VAT1L: variants seen among roughly 807,000 people sequenced by gnomAD.
VAT1L encodes the protein putative NADPH-dependent quinone oxidoreductase VAT1L.
VAT1L carries 34 observed loss-of-function variants against 44.1 expected under a neutral mutation model. The ratio of observed to expected loss-of-function variants is 0.77; its 90% CI spans 0.59 to 1.03. VAT1L has a LOEUF of 1.03. Among genes scored for constraint, VAT1L ranks in the 50% least tolerant of loss-of-function variants. VAT1L has a pLI of 0.00. For missense variants in VAT1L, 615 were observed against 538.8 expected, an observed-to-expected ratio of 1.14 and a Z score of -1.40; for synonymous variants, 253 against 202.2, an observed-to-expected ratio of 1.25 and a Z score of -2.13.
At chr16:77,881,213 A>G (rs1056302162) in intron 6 of VAT1L, among the ~76,000 whole-genome samples, 3 of 152,092 alleles carry the variant, frequency 2.0e-5, no homozygotes, top group Non-Finnish European at 4.4e-5. Flanking sequence ...TGCCCCCTCT[A>G]CTTTTGGACT....
rs141941846 is a variant in VAT1L, at chr16:77,919,012, T to A, written c.1077+34210T>A. Among the ~76,000 whole-genome samples the A allele has an allele frequency of 4.6e-3, 699 of 152,306 alleles. 1 individual carries two copies. The highest frequency in any genetic ancestry group is 8.5e-3 in the Admixed American group (130 of 15,304). On this transcript the variant is annotated intron_variant, in intron 7 of 8. Transcript: ENST00000302536. ...TTTATTCAAGAGAGTCGTGGCTATG[T>A]AAACAGTGCTGAGGCATTCTGCAGT...
At chr16:77,828,354 C>T (rs13336565) in intron 3 of VAT1L, among the ~76,000 whole-genome samples, 2,658 of 152,316 alleles carry the variant, frequency 0.017, 81 homozygotes, top group African/African-American at 0.061. Context: ...CCAGTGTCAT[C>T]ACAAGAGTCC....
intron 7 of VAT1L, among the ~76,000 whole-genome samples, chr16:77,946,279 C>CGTTTTTTTTTTTTTTTT (rs1223152362): frequency 1.4e-5 from 1 of 70,428 alleles, no homozygotes; most frequent in African/African-American, 5.3e-5. Flanking sequence ...GTTACTTGTT[C>CGTTTTTTTTTTTTTTTT]TTTTTTTTTT....
At chr16:77,821,241 A>G (rs2016448386) in intron 2 of VAT1L, among the ~76,000 whole-genome samples, 1 of 151,960 alleles carries the variant, frequency 6.6e-6, no homozygotes, top group Admixed American at 6.6e-5. Flanking sequence ...ATATAATGGG[A>G]TCTGCATAAT....
chr16:77,830,273 CA>C lies in VAT1L; in HGVS notation c.579+4816del, dbSNP rs972780340. On this transcript the variant is annotated intron_variant, in intron 3 of 8. Transcript: ENST00000302536. ...TTTTCATATGCTGTTTTTTTCTTTCCAAAATGGTATTCTCTCCCAATTCAGA... is the reference window on the plus strand; with the variant it reads ...TTTTCATATGCTGTTTTTTTCTTTCCAAATGGTATTCTCTCCCAATTCAGA... Among the ~76,000 whole-genome samples, 60 of 152,178 alleles carry C rather than the reference CA, an allele frequency of 3.9e-4. 1 individual carries two copies. Among genetic ancestry groups the C allele is most frequent in the Admixed American group, 9.8e-4 (15 of 15,294 alleles).
intron 2 of VAT1L, among the ~76,000 whole-genome samples, chr16:77,822,800 G>T (rs2016473884): frequency 6.6e-6 from 1 of 152,150 alleles, no homozygotes; most frequent in African/African-American, 2.4e-5. Context: ...CCTTGCTCTT[G>T]TTGCTGTCAC....
intron 1 of VAT1L, among the ~76,000 whole-genome samples, chr16:77,793,441 G>A (rs2015871397): frequency 6.6e-6 from 1 of 152,184 alleles, no homozygotes; most frequent in South Asian, 2.1e-4. Flanking sequence ...AAACCAAGGT[G>A]TATGGTTCGC....
chr16:77,922,263 C>G (rs2017620184), intron 7 of VAT1L, among the ~76,000 whole-genome samples: 1 of 152,014 alleles, frequency 6.6e-6, no homozygotes, highest in Non-Finnish European at 1.5e-5. Context: ...GTACAACATC[C>G]ATGTGGTTCT....
In VAT1L at chr16:77,879,821, G is replaced by A. The variant is rs1338730164; in HGVS notation, c.882+597G>A. 6.6e-6 allele frequency among the ~76,000 whole-genome samples: 1 copy of A among 152,170 alleles called. No homozygotes were observed. The highest frequency in any genetic ancestry group is 1.5e-5 in the Non-Finnish European group (1 of 68,020). ...GTGTCTTTAATTATTGGTCAAAAAT[G>A]AACTTAGCATTAGTGCATTTTCTTT... On this transcript the variant is annotated intron_variant, in intron 6 of 8. Coordinates refer to ENST00000302536, the MANE Select transcript of VAT1L (RefSeq NM_020927.3). The surrounding 1 kb of genome is among the most constrained non-coding windows in gnomAD (Gnocchi z 4.1).
At chr16:77,946,904 T>C (rs371384665) in intron 7 of VAT1L, among the ~76,000 whole-genome samples, 3 of 152,308 alleles carry the variant, frequency 2.0e-5, no homozygotes, top group Non-Finnish European at 2.9e-5. Flanking sequence ...TATCCATCCC[T>C]AGTTGGCCTC....
At chr16:77,948,090 T>C (rs1013471585) in intron 7 of VAT1L, among the ~76,000 whole-genome samples, 1 of 152,158 alleles carries the variant, frequency 6.6e-6, no homozygotes, top group Non-Finnish European at 1.5e-5. Context: ...AATGGAAAAG[T>C]AGTTCTTCTC....
chr16:77,910,131 C>T (rs2017483019), intron 7 of VAT1L, among the ~76,000 whole-genome samples: 1 of 152,196 alleles, frequency 6.6e-6, no homozygotes, highest in Non-Finnish European at 1.5e-5. Flanking sequence ...AAAAAGGCAT[C>T]CCTGAAGTCC....
At chr16:77,890,735 C>T (rs1466685178) in intron 7 of VAT1L, among the ~76,000 whole-genome samples, 2 of 151,040 alleles carry the variant, frequency 1.3e-5, no homozygotes, top group Non-Finnish European at 1.5e-5. Context: ...CCAGCCTGAG[C>T]AACATGGTGA....
At chr16:77,795,758 T>C (rs1597160619) in intron 1 of VAT1L, among the ~76,000 whole-genome samples, 1 of 152,110 alleles carries the variant, frequency 6.6e-6, no homozygotes, top group East Asian at 1.9e-4. Context: ...AAAATTTTGC[T>C]TTGCCCTTTA....
chr16:77,806,361 C>T (rs996978214), intron 1 of VAT1L, among the ~76,000 whole-genome samples: 37 of 152,120 alleles, frequency 2.4e-4, no homozygotes, highest in African/African-American at 8.0e-4. Flanking sequence ...AGGTGCCCAC[C>T]ACCACGCCCG....
At chr16:77,901,729 C>G (rs890820722) in intron 7 of VAT1L, among the ~76,000 whole-genome samples, 7 of 152,154 alleles carry the variant, frequency 4.6e-5, no homozygotes, top group Non-Finnish European at 4.4e-5. Context: ...AGCACAACAT[C>G]CCACTCCCAC....
chr16:77,837,028 G>A (rs1017486123), intron 3 of VAT1L, among the ~76,000 whole-genome samples: 1 of 148,554 alleles, frequency 6.7e-6, no homozygotes, highest in Admixed American at 6.7e-5. Flanking sequence ...AGGTCACACA[G>A]CTTATAGAGA....
At chr16:77,962,518 C>T (rs2018171509) in intron 7 of VAT1L, among the ~76,000 whole-genome samples, 1 of 152,020 alleles carries the variant, frequency 6.6e-6, no homozygotes. Context: ...TCAAACAGAA[C>T]CCAGTTGGAG....
intron 3 of VAT1L, among the ~76,000 whole-genome samples, chr16:77,856,371 G>C (rs147849260): frequency 6.9e-4 from 105 of 152,244 alleles, no homozygotes; most frequent in Non-Finnish European, 1.1e-3. Context: ...CAGTGCACTG[G>C]TAGGCTCATC....
Sources: allele counts gnomAD v4.1 joint callset (sites outside exome capture counted in the v4.1 genomes callset), GRCh38; gene constraint gnomAD v4.1.1; non-coding constraint Gnocchi (gnomAD v3.1); transcripts MANE v1.5; gene names NCBI Gene and HGNC (gene_info 2026-07-23, HGNC 2026-07-21).